The following TRDN variants were observed in gnomAD, a reference collection of about 807,000 sequenced individuals.
The protein encoded by TRDN is triadin.
Under a neutral mutation model 149.7 loss-of-function variants are expected in TRDN, and 161 were observed. The observed-to-expected ratio is 1.08, with a 90% CI of 0.95 to 1.23. TRDN has a LOEUF of 1.23. TRDN is among the 50% of genes most tolerant of loss of function. The pLI is 0.00. For synonymous variants in TRDN, 294 were observed against 250.5 expected (o/e 1.17, Z -1.64); for missense variants, 896 against 823.5 (o/e 1.09, Z -1.08).
At chr6:123,505,693 AC>A (rs1342842509) in intron 7 of TRDN, among the ~76,000 whole-genome samples, 2 of 151,384 alleles carry the variant, frequency 1.3e-5, no homozygotes, top group African/African-American at 4.9e-5. Context: ...TTACTCAATT[AC>A]TCTATAAACT....
intron 10 of TRDN, chr6:123,462,870 CTGACA>C (rs1776536136): frequency 6.6e-6 from 1 of 152,148 alleles, no homozygotes; most frequent in Non-Finnish European, 1.5e-5. Flanking sequence ...TCTGCAAGCC[CTGACA>C]AAGCCCATGA....
intron 1 of TRDN, among the ~76,000 whole-genome samples, chr6:123,579,651 G>A (rs560646417): frequency 1.1e-4 from 16 of 152,214 alleles, no homozygotes; most frequent in African/African-American, 3.9e-4. Flanking sequence ...GATGATGCTG[G>A]CCTCATATAA....
intron 1 of TRDN, among the ~76,000 whole-genome samples, chr6:123,598,689 C>A (rs1025352566): frequency 7.9e-5 from 12 of 152,056 alleles, no homozygotes; most frequent in Non-Finnish European, 1.6e-4. Context: ...ATTGTCTATG[C>A]GTTCCTCCCA....
chr6:123,385,505 T>C (rs540713286), intron 14 of TRDN, among the ~76,000 whole-genome samples: 1 of 152,174 alleles, frequency 6.6e-6, no homozygotes, highest in South Asian at 2.1e-4. Context: ...TCTGATAGCC[T>C]ACTAGTGCTA....
chr6:123,543,324 C>A (rs1251635572), intron 4 of TRDN, among the ~76,000 whole-genome samples: 1 of 152,016 alleles, frequency 6.6e-6, no homozygotes, highest in African/African-American at 2.4e-5. Context: ...ATGTGGTAAG[C>A]AAATAGTACA....
intron 20 of TRDN, among the ~76,000 whole-genome samples, chr6:123,362,288 T>C (rs1780936476): frequency 1.3e-5 from 2 of 152,144 alleles, no homozygotes; most frequent in African/African-American, 4.8e-5. Context: ...TGAGAATCTT[T>C]CTAATCTGCC....
At chr6:123,253,465 T>C (rs931807277) in intron 37 of TRDN, among the ~76,000 whole-genome samples, 2 of 152,138 alleles carry the variant, frequency 1.3e-5, no homozygotes, top group Admixed American at 1.3e-4. Flanking sequence ...TTTTCAGTAT[T>C]GTTAGAGTAC....
chr6:123,358,054 G>T (rs1160382243), intron 20 of TRDN, among the ~76,000 whole-genome samples: 2 of 152,096 alleles, frequency 1.3e-5, no homozygotes, highest in Non-Finnish European at 2.9e-5. Context: ...CTAAGTAAGT[G>T]AATTTTTTAA....
rs543981327 is a variant in TRDN, at chr6:123,631,999, T to A, written c.22+4755A>T. ...TAAAAATATAATTATTCATTAAGGTTATCTAACATCCAGAGTATATTAAAT... is the reference window on the plus strand; with the variant it reads ...TAAAAATATAATTATTCATTAAGGTAATCTAACATCCAGAGTATATTAAAT... On this transcript the variant is annotated intron_variant, in intron 1 of 40. Transcript: ENST00000334268. Among the ~76,000 whole-genome samples, 3 of 152,264 alleles carry A rather than the reference T, an allele frequency of 2.0e-5. No homozygotes were observed. In the East Asian group the frequency reaches 5.8e-4, roughly 29 times the overall value.
intron 10 of TRDN, among the ~76,000 whole-genome samples, chr6:123,450,925 C>G (rs940846144): frequency 1.3e-5 from 2 of 152,042 alleles, no homozygotes; most frequent in African/African-American, 4.8e-5. Flanking sequence ...TGGAATAAAA[C>G]TGGAAATCAA....
chr6:123,360,720 G>GGA (rs71541228), intron 20 of TRDN, among the ~76,000 whole-genome samples: 90,391 of 142,838 alleles, frequency 0.63, 28,036 homozygotes, highest in Middle Eastern at 0.7. Context: ...AGAGAGAGAC[G>GGA]GAGAGAGAGA....
chr6:123,633,883 A>G (rs1250775572), intron 1 of TRDN, among the ~76,000 whole-genome samples: 1 of 152,014 alleles, frequency 6.6e-6, no homozygotes, highest in Non-Finnish European at 1.5e-5. Flanking sequence ...GGGAGGCATG[A>G]AATTTATCCT....
Position 123,563,365 on chromosome 6 carries a change from CT to C in TRDN, c.232+7557del, listed in dbSNP as rs1409579265. ...TATTTCAAAGCAAAATAAAAAACTA[CT>C]TCTGGCTTCTTTTATCCCTGTCAAG... On this transcript the variant is annotated intron_variant, in intron 2 of 40. Coordinates refer to ENST00000334268, the MANE Select transcript of TRDN (RefSeq NM_006073.4). Among the ~76,000 whole-genome samples the C allele has an allele frequency of 3.9e-5, 6 of 152,278 alleles. No individual in the cohort carries two copies. In the East Asian group the frequency reaches 7.7e-4, roughly 20 times the overall value.
chr6:123,576,478 TTTTTA>T (rs566300394), intron 1 of TRDN, among the ~76,000 whole-genome samples: 3,116 of 150,268 alleles, frequency 0.021, 57 homozygotes, highest in Non-Finnish European at 0.03. Context: ...TTTATTTTTA[TTTTTA>T]TTTTATTTAT....
intron 4 of TRDN, among the ~76,000 whole-genome samples, chr6:123,535,491 T>G (rs1366283065): frequency 6.6e-6 from 1 of 152,152 alleles, no homozygotes; most frequent in Non-Finnish European, 1.5e-5. Flanking sequence ...TCGCTATTCA[T>G]CTCTCACTCC....
In TRDN at chr6:123,548,470, G is replaced by T; in HGVS notation, c.375C>A (p.Asp125Glu). 2 of 1,562,808 alleles carry T rather than the reference G, an allele frequency of 1.3e-6. No homozygotes were observed. The highest frequency in any genetic ancestry group is 1.4e-5 in the African/African-American group (1 of 72,770). Residue 125 changes from aspartate to glutamate, a missense_variant, in exon 3 of 41, where the codon GAC becomes GAA. Coordinates refer to ENST00000334268, the MANE Select transcript of TRDN (RefSeq NM_006073.4). ...TCTTTGTACCTTTATCAGTATCTTCGTCACCATCATCATCTTCTTCATCTT... is the reference window on the plus strand; with the variant it reads ...TCTTTGTACCTTTATCAGTATCTTCTTCACCATCATCATCTTCTTCATCTT... Reference protein sequence around the residue: ...SSEDEEDDDGDEDTDKGEIDE... With the variant: ...SSEDEEDDDGEEDTDKGEIDE...
At chr6:123,416,766 A>G (rs1213582407) in intron 12 of TRDN, among the ~76,000 whole-genome samples, 1 of 151,056 alleles carries the variant, frequency 6.6e-6, no homozygotes, top group African/African-American at 2.4e-5. Context: ...CAGCGGCATA[A>G]TCTCAGCTCG....
At chr6:123,488,407 T>C (rs1488450528) in intron 9 of TRDN, among the ~76,000 whole-genome samples, 6 of 152,130 alleles carry the variant, frequency 3.9e-5, no homozygotes, top group Admixed American at 1.3e-4. Context: ...GAGTTCAAAG[T>C]CTCCCACTTC....
intron 4 of TRDN, among the ~76,000 whole-genome samples, chr6:123,542,015 A>G (rs1041787751): frequency 6.6e-6 from 1 of 152,182 alleles, no homozygotes; most frequent in South Asian, 2.1e-4. Context: ...TGCAAGAGCT[A>G]TTGTGGATTG....
Sources: gnomAD v4.1 joint callset for allele counts (sites outside exome capture counted in the v4.1 genomes callset) on GRCh38, gnomAD v4.1.1 for gene constraint, MANE v1.5 for transcripts, NCBI Gene and HGNC (gene_info 2026-07-23, HGNC 2026-07-21) for gene names.